CDC42BPA: variants seen among roughly 807,000 people sequenced by gnomAD.
The protein encoded by CDC42BPA is serine/threonine-protein kinase MRCK alpha.
CDC42BPA carries 80 observed loss-of-function variants against 223.5 expected under a neutral mutation model. That is an observed-to-expected ratio of 0.36 (90% CI 0.30 to 0.43). The LOEUF (loss-of-function observed/expected upper bound fraction) is 0.43, where lower values mean the gene tolerates loss of function less well. CDC42BPA is among the 20% of genes least tolerant of loss of function. The pLI, the probability that CDC42BPA is intolerant of heterozygous loss-of-function variation, is 1.00. For missense variants in CDC42BPA, 1,743 were observed against 2,099.9 expected (o/e 0.83, Z 3.32); for synonymous variants, 694 against 718.6 (o/e 0.97, Z 0.55).
At chr1:227,280,729 G>C (rs1298882219) in intron 1 of CDC42BPA, among the ~76,000 whole-genome samples, 1 of 152,132 alleles carries the variant, frequency 6.6e-6, no homozygotes, top group Non-Finnish European at 1.5e-5. Context: ...GATCTTAATT[G>C]ACTCTCCGGT....
intron 2 of CDC42BPA, among the ~76,000 whole-genome samples, chr1:227,241,209 A>T (rs1005043662): frequency 6.6e-6 from 1 of 152,098 alleles, no homozygotes; most frequent in African/African-American, 2.4e-5. Flanking sequence ...TAATATTAAC[A>T]ACAAAAAATA....
At chr1:227,130,828 T>C (rs2149518990) in intron 10 of CDC42BPA, among the ~76,000 whole-genome samples, 1 of 152,022 alleles carries the variant, frequency 6.6e-6, no homozygotes, top group South Asian at 2.1e-4. Context: ...ACACCCAGCC[T>C]GGGTGATAGA....
At chr1:227,139,933 C>CA in intron 9 of CDC42BPA, among the ~76,000 whole-genome samples, 191 bp from the exon 10 acceptor site, 1 of 152,050 alleles carries the variant, frequency 6.6e-6, no homozygotes, top group African/African-American at 2.4e-5. Context: ...AATTTGTTTG[C>CA]AAAATCACCA....
intron 16 of CDC42BPA, among the ~76,000 whole-genome samples, chr1:227,089,473 T>C (rs995412020): frequency 3.3e-5 from 5 of 152,176 alleles, no homozygotes; most frequent in African/African-American, 9.7e-5. Flanking sequence ...GAGGTTCAAA[T>C]GGAAATAGAG....
intron 3 of CDC42BPA, among the ~76,000 whole-genome samples, chr1:227,204,117 C>T (rs1477480703): frequency 1.3e-5 from 2 of 152,128 alleles, no homozygotes; most frequent in East Asian, 3.8e-4. Context: ...GAATCTTTCT[C>T]TAATATTTGA....
intron 10 of CDC42BPA, among the ~76,000 whole-genome samples, chr1:227,133,519 A>G (rs1272448124): frequency 6.6e-6 from 1 of 152,212 alleles, no homozygotes; most frequent in Admixed American, 6.5e-5. Flanking sequence ...TGTGGAATAG[A>G]AAGGGGGGAA....
At chr1:227,242,763 A>C (rs1680237303) in intron 2 of CDC42BPA, among the ~76,000 whole-genome samples, 1 of 152,126 alleles carries the variant, frequency 6.6e-6, no homozygotes, top group Admixed American at 6.5e-5. Flanking sequence ...CTACATTGAA[A>C]AATATTCCTC....
intron 5 of CDC42BPA, among the ~76,000 whole-genome samples, chr1:227,170,801 C>A (rs1462261834): frequency 6.6e-6 from 1 of 152,196 alleles, no homozygotes; most frequent in African/African-American, 2.4e-5. Context: ...CTGACTTCTC[C>A]TCCACCCAAA....
chr1:227,201,722 C>T (rs1671797471), intron 3 of CDC42BPA, among the ~76,000 whole-genome samples: 1 of 151,726 alleles, frequency 6.6e-6, no homozygotes, highest in Admixed American at 6.6e-5. Flanking sequence ...GGTATCCCAC[C>T]TCCCCTATAT....
At chr1:227,189,222 C>T (rs895652084) in intron 5 of CDC42BPA, among the ~76,000 whole-genome samples, 7 of 151,874 alleles carry the variant, frequency 4.6e-5, no homozygotes, top group African/African-American at 1.7e-4. Flanking sequence ...ATGCTTATAC[C>T]CCTGCATTTC....
Position 226,993,956 on chromosome 1 carries a change from CATT to C in CDC42BPA, c.*309_*311del. On this transcript the variant is annotated 3_prime_UTR_variant, in exon 37 of 37. Transcript: ENST00000366766. ...TGTCTAATCTTATTCTTATCACTTACATTTGTGTAATCTGTCTATTTAAGCTAC... is the reference window on the plus strand; with the variant it reads ...TGTCTAATCTTATTCTTATCACTTACTGTGTAATCTGTCTATTTAAGCTAC... 1.3e-5 allele frequency: 3 copies of C among 239,946 alleles called. No individual in the cohort carries two copies. The highest frequency in any genetic ancestry group is 2.5e-5 in the Non-Finnish European group (3 of 120,772). The allele number at this position is 239,946 out of a possible 1,614,324, so 14.9% of individuals were successfully genotyped here.
chr1:227,067,283 T>G (rs1677287397), intron 21 of CDC42BPA, among the ~76,000 whole-genome samples: 1 of 152,048 alleles, frequency 6.6e-6, no homozygotes, highest in Non-Finnish European at 1.5e-5. Flanking sequence ...GGCTGGGGTG[T>G]GCATTCCTGA....
chr1:227,270,087 A>G (rs1685716486), intron 1 of CDC42BPA, among the ~76,000 whole-genome samples: 1 of 152,188 alleles, frequency 6.6e-6, no homozygotes, highest in Admixed American at 6.5e-5. Flanking sequence ...CTATACCCAC[A>G]TATATCCATA....
In CDC42BPA at chr1:227,213,774, T is replaced by A. The variant is rs906184090; in HGVS notation, c.271-555A>T. Among the ~76,000 whole-genome samples the A allele has an allele frequency of 2.0e-5, 3 of 151,860 alleles. No individual in the cohort carries two copies. The South Asian group carries it at 6.2e-4, about 32-fold the overall frequency. On this transcript the variant is annotated intron_variant, in intron 2 of 36. Transcript: ENST00000366766. ...CCCAAACCACATACACACATATACA[T>A]ACGCATAGAGAGCAATTAAAACTAA...
chr1:227,064,505 C>A (rs1305059710), intron 21 of CDC42BPA, among the ~76,000 whole-genome samples: 1 of 152,052 alleles, frequency 6.6e-6, no homozygotes, highest in Non-Finnish European at 1.5e-5. Context: ...ATCCCTGGAT[C>A]TGTTACTATT....
In CDC42BPA at chr1:227,297,312, C is replaced by T. The variant is rs577998416; in HGVS notation, c.178+19693G>A. 1.2e-4 allele frequency among the ~76,000 whole-genome samples: 18 copies of T among 152,282 alleles called. No individual in the cohort carries two copies. The South Asian group carries it at 1.9e-3, about 16-fold the overall frequency. Reference sequence around the variant, plus strand: ...AAATGTTAGCAAGCATGTAGCAAAACTCAACCTTCATACATTGCTGGTGGG... The same window carrying T: ...AAATGTTAGCAAGCATGTAGCAAAATTCAACCTTCATACATTGCTGGTGGG... On this transcript the variant is annotated intron_variant, in intron 1 of 36. Coordinates refer to ENST00000366766, the MANE Select transcript of CDC42BPA (RefSeq NM_001394014.1).
intron 17 of CDC42BPA, among the ~76,000 whole-genome samples, chr1:227,079,195 T>G (rs1299009930): frequency 6.6e-6 from 1 of 152,166 alleles, no homozygotes; most frequent in Non-Finnish European, 1.5e-5. Context: ...AAATAAAAAG[T>G]AGGGTTAATA....
chr1:227,001,303 C>T lies in CDC42BPA; in HGVS notation c.4975+3691G>A, dbSNP rs116148749. Among the ~76,000 whole-genome samples the T allele has an allele frequency of 3.8e-3, 572 of 152,238 alleles. 3 individuals carry two copies. Among genetic ancestry groups the T allele is most frequent in the African/African-American group, 0.013 (549 of 41,528 alleles). On this transcript the variant is annotated intron_variant, in intron 35 of 36. Coordinates refer to ENST00000366766, the MANE Select transcript of CDC42BPA (RefSeq NM_001394014.1). ...AACACCAGATGCCCCTTGGCATTCC[C>T]GAGAGGGTCTTTCCTCTTATATCTT...
intron 15 of CDC42BPA, among the ~76,000 whole-genome samples, chr1:227,099,435 G>A (rs563949199): frequency 6.6e-6 from 1 of 151,294 alleles, no homozygotes; most frequent in South Asian, 2.1e-4. Flanking sequence ...TTATATAGGT[G>A]TACCCTTTTT....
Sources: allele counts gnomAD v4.1 joint callset (sites outside exome capture counted in the v4.1 genomes callset), GRCh38; gene constraint gnomAD v4.1.1; transcripts MANE v1.5; gene names NCBI Gene and HGNC (gene_info 2026-07-23, HGNC 2026-07-21).